Variants in G3BP2 observed in about 807,000 individuals in gnomAD.
G3BP2 encodes the protein G3BP stress granule assembly factor 2.
Under a neutral mutation model 56.7 loss-of-function variants are expected in G3BP2, and 11 were observed. The observed-to-expected ratio is 0.19, with a 90% confidence interval of 0.12 to 0.32. The LOEUF (loss-of-function observed/expected upper bound fraction) is 0.32, where lower values mean the gene tolerates loss of function less well. G3BP2 is among the 10% of genes least tolerant of loss of function. The pLI, the probability that G3BP2 is intolerant of heterozygous loss-of-function variation, is 1.00. For synonymous variants in G3BP2, 165 were observed against 191.6 expected (o/e 0.86, Z 1.15); for missense variants, 340 against 610.9 (o/e 0.56, Z 4.67).
chr4:75,672,543 G>A (rs1733571439), intron 1 of G3BP2: 1 of 152,350 alleles, frequency 6.6e-6, no homozygotes, highest in Admixed American at 6.5e-5. Flanking sequence ...TAAACCCGCG[G>A]TGGCAGGGAG....
rs556305170 is a variant in G3BP2, at chr4:75,645,299, C to G, written c.*131G>C. ...TGTCCACCTCAATTTAACTGATAAC[C>G]AAAGATGCTTTTCACATCAAAGAAA... is the stretch of plus-strand genomic sequence containing the variant. On this transcript the variant is annotated 3_prime_UTR_variant, in exon 12 of 12. Coordinates refer to ENST00000359707, the MANE Select transcript of G3BP2 (RefSeq NM_203505.3). 1.0e-3 allele frequency: 794 copies of G among 766,452 alleles called. No homozygotes were observed. Among genetic ancestry groups the G allele is most frequent in the Non-Finnish European group, 1.6e-3 (753 of 484,392 alleles). 47.5% of individuals were successfully genotyped at this position (766,452 alleles called of 1,614,324 possible).
At chr4:75,661,541 CT>C (rs1167846763) in intron 2 of G3BP2, 2 of 151,106 alleles carry the variant, frequency 1.3e-5, no homozygotes, top group African/African-American at 4.9e-5. Context: ...AATCCCAGTA[CT>C]TTGGGAATGC....
intron 1 of G3BP2, among the ~76,000 whole-genome samples, chr4:75,668,065 C>G (rs2149030106): frequency 6.6e-6 from 1 of 152,262 alleles, no homozygotes; most frequent in South Asian, 2.1e-4. Flanking sequence ...CACTTCAGCT[C>G]TCACGGAAAA....
At chr4:75,682,232 TG>T (rs1734107075) in intron 3 of G3BP2, among the ~76,000 whole-genome samples, 3 of 151,360 alleles carry the variant, frequency 2.0e-5, no homozygotes, top group Non-Finnish European at 4.4e-5. Context: ...CTAGCCAACA[TG>T]GTGAAACCCC....
chr4:75,702,435 G>A (rs757846027), intron 3 of G3BP2, among the ~76,000 whole-genome samples: 2 of 152,240 alleles, frequency 1.3e-5, no homozygotes, highest in African/African-American at 4.8e-5. Context: ...GAGCCACCAC[G>A]CCTGGACCCC....
chr4:75,724,055 C>G (rs572502031), intron 1 of G3BP2: 1 of 152,036 alleles, frequency 6.6e-6, no homozygotes, highest in Non-Finnish European at 1.5e-5. Flanking sequence ...TAGAGGTGTA[C>G]CTGGTGTTTA....
At chr4:75,667,101 A>T (rs1193537764) in intron 1 of G3BP2, among the ~76,000 whole-genome samples, 1 of 152,132 alleles carries the variant, frequency 6.6e-6, no homozygotes, top group Non-Finnish European at 1.5e-5. Flanking sequence ...AGCCCAGGCA[A>T]CATGGCAAAA....
At chr4:75,690,907 A>G (rs1004352276) in intron 3 of G3BP2, among the ~76,000 whole-genome samples, 12 of 152,096 alleles carry the variant, frequency 7.9e-5, no homozygotes, top group Non-Finnish European at 1.3e-4. Context: ...GTAACACAAC[A>G]TGGAGAATAT....
chr4:75,674,037 T>C (rs994175686), upstream of G3BP2: 2 of 152,304 alleles, frequency 1.3e-5, no homozygotes, highest in African/African-American at 4.8e-5. Context: ...TATCAGTAGA[T>C]ACTAAAGCAT....
upstream of G3BP2, chr4:75,673,751 G>C: frequency 2.0e-6 from 1 of 508,104 alleles, no homozygotes; most frequent in Non-Finnish European, 3.0e-6. Flanking sequence ...GTCTTTTGTA[G>C]ACTGATATTC....
intron 8 of G3BP2, among the ~76,000 whole-genome samples, chr4:75,650,677 T>C (rs1327429034): frequency 1.3e-5 from 2 of 152,176 alleles, no homozygotes; most frequent in African/African-American, 4.8e-5. Context: ...TTGTTATTTA[T>C]ATGTATTTAC....
chr4:75,651,557 TCCC>T (rs1731701521), intron 8 of G3BP2, among the ~76,000 whole-genome samples: 1 of 152,182 alleles, frequency 6.6e-6, no homozygotes, highest in Non-Finnish European at 1.5e-5. Flanking sequence ...GCTAACACTG[TCCC>T]TTTCAGTAAC....
chr4:75,701,237 G>A (rs926033257), intron 3 of G3BP2, among the ~76,000 whole-genome samples: 1 of 152,166 alleles, frequency 6.6e-6, no homozygotes, highest in Non-Finnish European at 1.5e-5. Context: ...GGACAACACT[G>A]TCATCTGGAC....
chr4:75,707,082 C>G (rs143429446), intron 3 of G3BP2, among the ~76,000 whole-genome samples: 1 of 150,568 alleles, frequency 6.6e-6, no homozygotes, highest in Non-Finnish European at 1.5e-5. Flanking sequence ...ATCCCAGCTA[C>G]TCGGGAGGCT....
chr4:75,683,820 A>T (rs892900302), intron 3 of G3BP2, among the ~76,000 whole-genome samples: 5 of 151,984 alleles, frequency 3.3e-5, no homozygotes, highest in Non-Finnish European at 7.4e-5. Flanking sequence ...CTGACCCCTA[A>T]CTCCATAGCC....
chr4:75,665,967 T>C (rs1304667310), intron 1 of G3BP2, among the ~76,000 whole-genome samples: 1 of 152,210 alleles, frequency 6.6e-6, no homozygotes, highest in African/African-American at 2.4e-5. Context: ...TTTCCAGATT[T>C]TCTACAGGAA....
intron 3 of G3BP2, among the ~76,000 whole-genome samples, chr4:75,680,834 G>T (rs972257976): frequency 6.6e-6 from 1 of 151,918 alleles, no homozygotes; most frequent in Non-Finnish European, 1.5e-5. Context: ...GTGTGGTGGT[G>T]GCATGTGCCT....
chr4:75,648,734 A>G lies in G3BP2; in HGVS notation c.833T>C (p.Val278Ala), dbSNP rs1325383646. 1.9e-6 allele frequency: 3 copies of G among 1,595,940 alleles called. No individual in the cohort carries two copies. Among genetic ancestry groups the G allele is most frequent in the African/African-American group, 2.7e-5 (2 of 74,436 alleles). The change falls in exon 9 of 12, where the codon GTC becomes GCC. Residue 278 changes from valine to alanine, a missense_variant. By Grantham distance (64) the Val-to-Ala change is moderately conservative. Around this residue, in one of 4 missense-constraint regions of G3BP2, gnomAD observed 224 missense variants for 332.5 expected, o/e 0.67. Transcript: ENST00000359707. Reference protein sequence around the residue: ...HVKAPVSQPRVEAKPEVQSQP... With the variant: ...HVKAPVSQPRAEAKPEVQSQP... Reference sequence around the variant, plus strand: ...AGATTGAACTTCTGGTTTAGCTTCGACTCTTGGCTAAAATATAAAGAAAAA... The same window carrying G: ...AGATTGAACTTCTGGTTTAGCTTCGGCTCTTGGCTAAAATATAAAGAAAAA...
intron 3 of G3BP2, among the ~76,000 whole-genome samples, chr4:75,702,171 ATTTTTTTTTTTT>A (rs57529973): frequency 9.3e-6 from 1 of 107,480 alleles, no homozygotes; most frequent in Non-Finnish European, 1.8e-5. Flanking sequence ...AAACCCCCCA[ATTTTTTTTTTTT>A]TTTTTTTTTT....
Sources: gnomAD v4.1 joint callset for allele counts (sites outside exome capture counted in the v4.1 genomes callset) on GRCh38, gnomAD v4.1.1 for gene constraint, gnomAD v4.1.1 regional missense constraint, MANE v1.5 for transcripts, NCBI Gene and HGNC (gene_info 2026-07-23, HGNC 2026-07-21) for gene names.